RPTOR: variants seen among roughly 807,000 people sequenced by gnomAD.
The protein encoded by RPTOR is regulatory associated protein of MTOR complex 1.
In RPTOR, 21 loss-of-function variants were observed where a neutral mutation model predicts 169.9. That is an observed-to-expected ratio of 0.12 (90% CI 0.09 to 0.18). The LOEUF is 0.18. Ranked by LOEUF, RPTOR falls within the 10% of genes least tolerant of loss-of-function variation. RPTOR has a pLI of 1.00. For synonymous variants in RPTOR, 732 were observed against 753.2 expected (o/e 0.97, Z 0.46); for missense variants, 1,133 against 1,855.9 (o/e 0.61, Z 7.16).
At chr17:80,665,415 T>G (rs1259496955) in intron 3 of RPTOR, among the ~76,000 whole-genome samples, 112 of 10,532 alleles carry the variant, frequency 0.011, 11 homozygotes, top group African/African-American at 0.095. Context: ...TTCCTTTCCT[T>G]TCCTTTCCTT....
At position 80,846,417 on chromosome 17, in the gene RPTOR, G is replaced by C. The variant is rs142178121; in HGVS notation, c.1213-56G>C. On this transcript the variant is annotated intron_variant, in intron 10 of 33. Coordinates refer to ENST00000306801, the MANE Select transcript of RPTOR (RefSeq NM_020761.3). Reference sequence around the variant, plus strand: ...CCCGGCAGGTGGCAGGGGTGGGCAAGACCAGGCCATCTGGGAACATGGCCC... The same window carrying C: ...CCCGGCAGGTGGCAGGGGTGGGCAACACCAGGCCATCTGGGAACATGGCCC... The C allele has an allele frequency of 2.6e-6, 4 of 1,557,458 alleles. No individual in the cohort carries two copies. In the African/African-American group the frequency reaches 5.4e-5, roughly 21 times the overall value.
chr17:80,552,229 C>T (rs1228891212), intron 1 of RPTOR, among the ~76,000 whole-genome samples: 1 of 152,174 alleles, frequency 6.6e-6, no homozygotes, highest in Non-Finnish European at 1.5e-5. Flanking sequence ...CATTGGCTTC[C>T]TCTGTGCTTA....
At chr17:80,815,943 GC>G (rs1263236014) in intron 7 of RPTOR, among the ~76,000 whole-genome samples, 1 of 151,810 alleles carries the variant, frequency 6.6e-6, no homozygotes, top group Non-Finnish European at 1.5e-5. Flanking sequence ...TCCATCACGT[GC>G]AGAGCATCCT....
chr17:80,557,516 C>T (rs188519450), intron 1 of RPTOR, among the ~76,000 whole-genome samples: 2 of 141,708 alleles, frequency 1.4e-5, no homozygotes, highest in African/African-American at 5.2e-5. Context: ...GACTTTGTCT[C>T]AAAATAAATC....
chr17:80,884,892 G>A (rs1449436664), intron 16 of RPTOR, 116 bp from the exon 17 acceptor site: 2 of 1,342,022 alleles, frequency 1.5e-6, no homozygotes, highest in Non-Finnish European at 2.0e-6. Flanking sequence ...GGCCTGGAGA[G>A]CTGTTGAGCA....
chr17:80,872,087 T>C (rs528813713), intron 13 of RPTOR, among the ~76,000 whole-genome samples: 1 of 152,208 alleles, frequency 6.6e-6, no homozygotes, highest in East Asian at 1.9e-4. Context: ...ATGCAGAAAA[T>C]CAACAAGATT....
chr17:80,636,945 G>T (rs2065512300), intron 2 of RPTOR, among the ~76,000 whole-genome samples: 1 of 152,232 alleles, frequency 6.6e-6, no homozygotes. Context: ...GCTCACTCAG[G>T]GTTGAAGGTC....
In RPTOR at chr17:80,545,662, G is replaced by A; in HGVS notation, c.33G>A (p.Leu11=). 1 of 1,613,202 alleles carries A rather than the reference G, an allele frequency of 6.2e-7. No homozygotes were observed. The highest frequency in any genetic ancestry group is 1.3e-5 in the African/African-American group (1 of 74,912). Residue 11 remains leucine, a synonymous_variant, in exon 1 of 34, where the codon CTG becomes CTA. Transcript: ENST00000306801. ...CCGAAATGCTGCAATCGCCTCTTCT[G>A]GGCCTGGGGGAGGAAGATGAGGCTG... The part of the protein sequence containing the change: MESEMLQSPL[L]GLGEEDEADL...
rs954497140 is a variant in RPTOR, at chr17:80,609,170, C to T, written c.163-16521C>T. ...GCCTCGGGCTGCAGGGGGCGGGGAG[C>T]ACATGCGGCGTGCAGACCTTTCCTT... On this transcript the variant is annotated intron_variant, in intron 1 of 33. Transcript: ENST00000306801. The surrounding 1 kb of genome is among the most constrained non-coding windows in gnomAD (Gnocchi z 4.8). Among the ~76,000 whole-genome samples the T allele has an allele frequency of 4.6e-5, 7 of 152,132 alleles. No individual in the cohort carries two copies. The highest frequency in any genetic ancestry group is 1.0e-4 in the Non-Finnish European group (7 of 68,024).
At chr17:80,645,923 T>A (rs1471793146) in intron 3 of RPTOR, among the ~76,000 whole-genome samples, 1 of 152,198 alleles carries the variant, frequency 6.6e-6, no homozygotes, top group Non-Finnish European at 1.5e-5. Flanking sequence ...GAAAATTTGT[T>A]AAAGTTGGCC....
intron 13 of RPTOR, among the ~76,000 whole-genome samples, chr17:80,867,720 G>A (rs1238772599): frequency 6.6e-6 from 1 of 152,022 alleles, no homozygotes. Flanking sequence ...ATATACACTA[G>A]CAATCAACAA....
At chr17:80,683,253 G>A (rs186149856) in intron 3 of RPTOR, among the ~76,000 whole-genome samples, 19 of 152,092 alleles carry the variant, frequency 1.2e-4, no homozygotes, top group Admixed American at 1.1e-3. Context: ...TGAAGGATGC[G>A]GGCCAGTTCA....
intron 3 of RPTOR, among the ~76,000 whole-genome samples, chr17:80,675,016 C>CA (rs2065852329): frequency 6.6e-6 from 1 of 152,182 alleles, no homozygotes; most frequent in Admixed American, 6.5e-5. Flanking sequence ...GGGCAGGAGA[C>CA]ACGCTGTGAG....
At chr17:80,900,357 C>G (rs1394318368) in intron 20 of RPTOR, among the ~76,000 whole-genome samples, 1 of 151,920 alleles carries the variant, frequency 6.6e-6, no homozygotes, top group African/African-American at 2.4e-5. Context: ...TGGAGTTTTC[C>G]TCTTGTCACT....
intron 4 of RPTOR, among the ~76,000 whole-genome samples, chr17:80,713,937 A>T (rs1440750247): frequency 6.6e-6 from 1 of 152,164 alleles, no homozygotes; most frequent in East Asian, 1.9e-4. Context: ...CAAAATTGAT[A>T]GTTAAAAAAT....
rs1305121879 is a variant in RPTOR at position 80,627,316 on chromosome 17, G to A, written c.265+1523G>A. On this transcript the variant is annotated intron_variant, in intron 2 of 33. Coordinates refer to ENST00000306801, the MANE Select transcript of RPTOR (RefSeq NM_020761.3). ...ATTACAGGCGTGAGACACCATGCCC[G>A]GCCAAGATACAATTTATATACAGTA... 2.6e-5 allele frequency among the ~76,000 whole-genome samples: 4 copies of A among 152,164 alleles called. No homozygotes were observed. The East Asian group carries it at 5.8e-4, about 22-fold the overall frequency.
rs552307012 is a variant in RPTOR, at chr17:80,668,969, G to A, written c.348+25159G>A. Among the ~76,000 whole-genome samples, 7 of 148,626 alleles carry A rather than the reference G, an allele frequency of 4.7e-5. No homozygotes were observed. The East Asian group carries it at 1.4e-3, about 30-fold the overall frequency. Reference sequence around the variant, plus strand: ...GAGCTTTAGTAGCTGTGGCAGTGCTGTGGGTCTGCTGCCTCCCGGGTGCTT... The same window carrying A: ...GAGCTTTAGTAGCTGTGGCAGTGCTATGGGTCTGCTGCCTCCCGGGTGCTT... On this transcript the variant is annotated intron_variant, in intron 3 of 33. Transcript: ENST00000306801.
rs564629080 is a variant in RPTOR at position 80,793,087 on chromosome 17, A to G, written c.890+1578A>G. On this transcript the variant is annotated intron_variant, in intron 7 of 33. Transcript: ENST00000306801. ...CCGCTTCTCAAAGCGCCGGGATTAC[A>G]GGCGTGAGTGATTCTGGCCGTGCCA... Among the ~76,000 whole-genome samples, 409 of 152,280 alleles carry G rather than the reference A, an allele frequency of 2.7e-3. 7 individuals carry two copies. Among genetic ancestry groups the G allele is most frequent in the African/African-American group, 9.3e-3 (385 of 41,554 alleles).
Position 80,820,554 on chromosome 17 carries a change from C to A in RPTOR, c.891-1647C>A, listed in dbSNP as rs979762919. ...TTCTCTTTGGGAGGTGTGCCCCACC[C>A]TCACATTCCTCCGTGGGGCCAAGCT... On this transcript the variant is annotated intron_variant, in intron 7 of 33. Transcript: ENST00000306801. The surrounding 1 kb of genome is among the most constrained non-coding windows in gnomAD (Gnocchi z 4.1). Among the ~76,000 whole-genome samples, 1 of 152,184 alleles carries A rather than the reference C, an allele frequency of 6.6e-6. No homozygotes were observed. The highest frequency in any genetic ancestry group is 2.4e-5 in the African/African-American group (1 of 41,448).
Sources: allele counts gnomAD v4.1 joint callset (sites outside exome capture counted in the v4.1 genomes callset), GRCh38; gene constraint gnomAD v4.1.1; non-coding constraint Gnocchi (gnomAD v3.1); transcripts MANE v1.5; gene names NCBI Gene and HGNC (gene_info 2026-07-23, HGNC 2026-07-21).